COL6A1: variants seen among roughly 807,000 people sequenced by gnomAD.
COL6A1 encodes collagen alpha-1(VI) chain.
A neutral mutation model predicts 145.6 loss-of-function variants in COL6A1; 80 were observed. The ratio of observed to expected loss-of-function variants is 0.55; its 90% CI spans 0.46 to 0.66. The LOEUF (loss-of-function observed/expected upper bound fraction) is 0.66, where lower values mean the gene tolerates loss of function less well. Ranked by LOEUF, COL6A1 falls within the 30% of genes least tolerant of loss-of-function variation. The pLI is 0.00. For synonymous variants in COL6A1, 638 were observed against 622.8 expected (o/e 1.02, Z -0.36); for missense variants, 1,364 against 1,473.8 (o/e 0.93, Z 1.22).
chr21:46,003,813 C>T lies in COL6A1; in HGVS notation c.2887C>T (p.Gln963Ter). Residue 963 changes from glutamine to a stop codon, truncating the protein, a stop_gained, in exon 35 of 35, where the codon CAG (glutamine) becomes TAG (stop). Transcript: ENST00000361866. LOFTEE classifies it high-confidence loss of function. ...AAIEKAVQEA[Q>*]RAGIEIFVVV... is the part of the protein sequence containing the mutation. ...CATCGAGAAGGCCGTGCAGGAAGCC[C>T]AGCGGGCAGGCATCGAGATCTTCGT... 1 of 1,606,872 alleles carries T rather than the reference C, an allele frequency of 6.2e-7. No individual in the cohort carries two copies.
intron 20 of COL6A1, among the ~76,000 whole-genome samples, chr21:45,996,716 G>C (rs2123480782): frequency 6.6e-6 from 1 of 152,280 alleles, no homozygotes; most frequent in Middle Eastern, 3.4e-3. Context: ...AAGTGCTTGG[G>C]GTGCCTGGGC....
intron 11 of COL6A1, 54 bp downstream of exon 11, chr21:45,989,832 T>C (rs2077763792): frequency 1.9e-6 from 3 of 1,608,970 alleles, no homozygotes; most frequent in Non-Finnish European, 2.5e-6. Context: ...TGTGCCATCC[T>C]GGACGAGGGT....
chr21:45,999,608 A>T, intron 26 of COL6A1, 49 bp from the exon 27 acceptor site: 1 of 1,605,784 alleles, frequency 6.2e-7, no homozygotes, highest in Non-Finnish European at 8.5e-7. Context: ...CTCAGGAAGC[A>T]CAGTGGGCTC....
chr21:45,992,295 C>T, intron 17 of COL6A1, 68 bp from the exon 18 acceptor site: 1 of 1,613,330 alleles, frequency 6.2e-7, no homozygotes, highest in South Asian at 1.1e-5. Context: ...GGGTCTACTC[C>T]ACGTCCCTGA....
In COL6A1 at chr21:45,999,208, A is replaced by G. The variant is rs754120174; in HGVS notation, c.1730A>G (p.Glu577Gly). Residue 577 changes from glutamate (E) to glycine (G), a missense_variant, in exon 26 of 35, where the codon GAG becomes GGG. Physicochemically the swap from Glu to Gly is moderately conservative, Grantham distance 98 (BLOSUM62 -2). This residue lies in a region of COL6A1 where 938 missense variants were observed against 1,003.8 expected (regional missense o/e 0.93). Coordinates refer to ENST00000361866, the MANE Select transcript of COL6A1 (RefSeq NM_001848.3). ...GGAGCAAAGGGGTACCGGGGTCCCG[A>G]GGGCCCCCAGGTGGGTGGATGTGGC... ...VKGAKGYRGP[E>G]GPQGPPGHQG... 6.3e-7 allele frequency: 1 copy of G among 1,598,424 alleles called. No individual in the cohort carries two copies.
In COL6A1 at chr21:46,002,041, C is replaced by G; in HGVS notation, c.2037C>G (p.Pro679=). The change falls in exon 31 of 35, where the codon CCC becomes CCG. Residue 679 remains proline (P), a synonymous_variant. Coordinates refer to ENST00000361866, the MANE Select transcript of COL6A1 (RefSeq NM_001848.3). ...AGGAGCACGTGAGCCTGCGCAGCCC[C>G]AGCATCCGGAACGTGCAGGAGCTCA... ...QMQEHVSLRS[P]SIRNVQELKE... The G allele has an allele frequency of 6.2e-7, 1 of 1,612,480 alleles. No individual in the cohort carries two copies. The highest frequency in any genetic ancestry group is 8.5e-7 in the Non-Finnish European group (1 of 1,179,812).
chr21:45,991,311 G>A (rs555824140), intron 15 of COL6A1, among the ~76,000 whole-genome samples: 23 of 152,330 alleles, frequency 1.5e-4, no homozygotes, highest in African/African-American at 3.4e-4. Context: ...CGCACCTGCC[G>A]CTCGCTCGGC....
In COL6A1 at chr21:45,981,929, A is replaced by T. The variant is rs1031520613; in HGVS notation, c.79A>T (p.Arg27Trp). 3.7e-6 allele frequency: 6 copies of T among 1,606,920 alleles called. No homozygotes were observed. Among genetic ancestry groups the T allele is most frequent in the Non-Finnish European group, 5.1e-6 (6 of 1,178,072 alleles). Reference protein sequence around the residue: ...TAAQDEPETPRAVAFQDCPVD... With the variant: ...TAAQDEPETPWAVAFQDCPVD... ...CGCGCAGGATGAGCCGGAGACCCCG[A>T]GGGCCGTGGCCTTCCAGGGTGAGTG... Residue 27 changes from arginine (R) to tryptophan (W), a missense_variant, in exon 1 of 35, where the codon AGG (arginine) becomes TGG (tryptophan). Coordinates refer to ENST00000361866, the MANE Select transcript of COL6A1 (RefSeq NM_001848.3).
chr21:45,989,739 G>T lies in COL6A1; in HGVS notation c.904-13G>T. 6.2e-7 allele frequency: 1 copy of T among 1,613,010 alleles called. No individual in the cohort carries two copies. The highest frequency in any genetic ancestry group is 1.1e-5 in the South Asian group (1 of 91,080). ...CAAGCCTTCCTCTTCCTCTTCTTCC[G>T]CTGGGTGTGTAGGGAGAAAAAGGGA... On this transcript the variant is annotated splice_polypyrimidine_tract_variant and intron_variant, in intron 10 of 34. Coordinates refer to ENST00000361866, the MANE Select transcript of COL6A1 (RefSeq NM_001848.3).
At chr21:46,003,281 GA>G in intron 34 of COL6A1, 109 bp from the exon 35 acceptor site, 1 of 1,599,942 alleles carries the variant, frequency 6.3e-7, no homozygotes, top group East Asian at 2.2e-5. Context: ...TCCGGTGGCT[GA>G]GCACCACCGT....
chr21:45,985,238 GGACAGA>G (rs1285629876), intron 3 of COL6A1, among the ~76,000 whole-genome samples: 4 of 130,984 alleles, frequency 3.1e-5, no homozygotes, highest in African/African-American at 5.8e-5. Flanking sequence ...GCAGAGACAG[GGACAGA>G]GACAGAGACA....
chr21:45,993,492 CAG>C (rs1165156625), intron 19 of COL6A1, among the ~76,000 whole-genome samples: 2 of 152,264 alleles, frequency 1.3e-5, no homozygotes, highest in African/African-American at 4.8e-5. Context: ...TGCCAGGCCT[CAG>C]AGGCAGCGCC....
chr21:45,985,092 A>C (rs1003630860), intron 3 of COL6A1, among the ~76,000 whole-genome samples: 1 of 152,018 alleles, frequency 6.6e-6, no homozygotes, highest in Non-Finnish European at 1.5e-5. Flanking sequence ...AAACAGAGAC[A>C]GAGAGACAGA....
Position 46,001,316 on chromosome 21 carries a change from A to C in COL6A1, c.1886A>C (p.Gln629Pro). Residue 629 changes from glutamine to proline, a missense_variant, in exon 30 of 35, where the codon CAG (glutamine) becomes CCG (proline). Physicochemically the swap from Gln to Pro is moderately conservative, Grantham distance 76 (BLOSUM62 -1). Coordinates refer to ENST00000361866, the MANE Select transcript of COL6A1 (RefSeq NM_001848.3). ...GACAGCTCAGAGAGCATTGGCCTGCAGAACTTCGAGATTGCCAAGGACTTC... is the reference window on the plus strand; with the variant it reads ...GACAGCTCAGAGAGCATTGGCCTGCCGAACTTCGAGATTGCCAAGGACTTC... ...VLDSSESIGL[Q>P]NFEIAKDFVV... The C allele has an allele frequency of 6.2e-7, 1 of 1,612,882 alleles. No individual in the cohort carries two copies.
chr21:45,986,482 C>G, intron 3 of COL6A1, 44 bp from the exon 4 acceptor site: 3 of 1,545,020 alleles, frequency 1.9e-6, no homozygotes, highest in Non-Finnish European at 2.6e-6. Context: ...CCCTCCAGTT[C>G]CCCCACCTAG....
intron 2 of COL6A1, 99 bp downstream of exon 2, chr21:45,982,862 C>T (rs1971705887): frequency 1.3e-6 from 2 of 1,532,682 alleles, no homozygotes; most frequent in East Asian, 2.3e-5. Flanking sequence ...CCTCAACCTC[C>T]TAAGGTTGGG....
rs372487551 is a variant in COL6A1, at chr21:45,994,256, C to A, written c.1398+27C>A. On this transcript the variant is annotated intron_variant, in intron 20 of 34. Coordinates refer to ENST00000361866, the MANE Select transcript of COL6A1 (RefSeq NM_001848.3). This position sits in a 1 kb window ranked among gnomAD's most constrained non-coding sequence, Gnocchi z 6.8. ...TAGGAAGCGCTGTGGGGTTGGGGGG[C>A]GTTGGCCAATTTGGGTTTTGGGGGT... 546 of 1,599,586 alleles carry A rather than the reference C, an allele frequency of 3.4e-4. No individual in the cohort carries two copies. The highest frequency in any genetic ancestry group is 4.2e-4 in the Non-Finnish European group (494 of 1,173,740).
Position 45,986,569 on chromosome 21 carries a change from G to A in COL6A1, c.472G>A (p.Asp158Asn), listed in dbSNP as rs1186868310. The A allele has an allele frequency of 2.6e-6, 4 of 1,565,832 alleles. No individual in the cohort carries two copies. The highest frequency in any genetic ancestry group is 3.5e-6 in the Non-Finnish European group (4 of 1,155,372). The change falls in exon 4 of 35, where the codon GAC becomes AAC. Residue 158 changes from aspartate to asparagine, a missense_variant. Asp to Asn is a conservative substitution (Grantham distance 23, BLOSUM62 1). Transcript: ENST00000361866. ...GAATAAGTACCTGATTGTGGTGACC[G>A]ACGGGCACCCCCTGGAGGGCTACAA... is the stretch of plus-strand genomic sequence containing the variant. The part of the protein sequence containing the change: ...KENKYLIVVT[D>N]GHPLEGYKEP...
At chr21:45,989,489 C>A in intron 9 of COL6A1, 119 bp from the exon 10 acceptor site, 1 of 1,042,144 alleles carries the variant, frequency 9.6e-7, no homozygotes, top group Non-Finnish European at 1.5e-6. Context: ...CCCCGTGCAG[C>A]AGGGCCCCTC....
Sources: allele counts gnomAD v4.1 joint callset (sites outside exome capture counted in the v4.1 genomes callset), GRCh38; gene constraint gnomAD v4.1.1; regional missense constraint gnomAD v4.1.1; non-coding constraint Gnocchi (gnomAD v3.1); transcripts MANE v1.5; gene names NCBI Gene and HGNC (gene_info 2026-07-23, HGNC 2026-07-21).